Variants in ADGRV1 observed in about 807,000 individuals in gnomAD.
The protein encoded by ADGRV1 is G-protein coupled receptor 98.
ADGRV1 carries 359 observed loss-of-function variants against 596.2 expected under a neutral mutation model. That is an observed-to-expected ratio of 0.60 (90% CI 0.55 to 0.66). ADGRV1 has a LOEUF of 0.66. ADGRV1 is among the 30% of genes least tolerant of loss of function. The pLI is 0.00. For missense variants in ADGRV1, 7,274 were observed against 7,575.6 expected, an observed-to-expected ratio of 0.96 and a Z score of 1.48; for synonymous variants, 2,681 against 2,679.2, an observed-to-expected ratio of 1.00 and a Z score of -0.02.
At chr5:90,590,910 T>C (rs1759413170) in intron 1 of ADGRV1, among the ~76,000 whole-genome samples, 1 of 152,238 alleles carries the variant, frequency 6.6e-6, no homozygotes, top group Non-Finnish European at 1.5e-5. Flanking sequence ...ATCCTACTTG[T>C]TACCCTTGAA....
At chr5:90,590,759 TAATA>T in intron 1 of ADGRV1, among the ~76,000 whole-genome samples, 1 of 152,344 alleles carries the variant, frequency 6.6e-6, no homozygotes, top group East Asian at 1.9e-4. Context: ...GAAAGTATAA[TAATA>T]CACTGTTATT....
At position 90,681,308 on chromosome 5, in the gene ADGRV1, C is replaced by T. The variant is rs137853919; in HGVS notation, c.5525-7C>T. ...TTTTTTCTATTTGTTGGAACTTGTT[C>T]ATGCAGCCAGTCTAGGAGTGGCTTC... On this transcript the variant is annotated splice_polypyrimidine_tract_variant and splice_region_variant and intron_variant, in intron 26 of 89. Transcript: ENST00000405460. 9,786 of 1,609,152 alleles carry T rather than the reference C, an allele frequency of 6.1e-3. 53 individuals carry two copies. The highest frequency in any genetic ancestry group is 0.013 in the Middle Eastern group (79 of 6,032).
chr5:90,667,507 T>G (rs1771647810), intron 21 of ADGRV1, among the ~76,000 whole-genome samples: 2 of 147,672 alleles, frequency 1.4e-5, no homozygotes, highest in South Asian at 4.4e-4. Flanking sequence ...TAGTTATACA[T>G]TCTTCTAAAT....
At chr5:90,720,862 C>A in intron 44 of ADGRV1, 73 bp from the exon 45 acceptor site, 2 of 1,240,882 alleles carry the variant, frequency 1.6e-6, no homozygotes, top group Non-Finnish European at 2.2e-6. Context: ...TATATGCTAG[C>A]AATATGATAT....
intron 83 of ADGRV1, among the ~76,000 whole-genome samples, chr5:90,889,957 G>A (rs868336607): frequency 6.6e-6 from 1 of 152,084 alleles, no homozygotes; most frequent in Non-Finnish European, 1.5e-5. Context: ...CTATACAGCT[G>A]CAAAACCTTT....
intron 85 of ADGRV1, among the ~76,000 whole-genome samples, chr5:91,069,723 C>G (rs1480475941): frequency 6.6e-6 from 1 of 152,092 alleles, no homozygotes; most frequent in African/African-American, 2.4e-5. Flanking sequence ...GAACTTAGAA[C>G]ACAGCTCTTT....
chr5:90,941,697 G>T (rs940789802), intron 83 of ADGRV1, among the ~76,000 whole-genome samples: 1 of 152,000 alleles, frequency 6.6e-6, no homozygotes, highest in Non-Finnish European at 1.5e-5. Flanking sequence ...GCAACTTTAG[G>T]GTAGATTCTC....
At chr5:90,615,656 A>T (rs1763272174) in intron 2 of ADGRV1, among the ~76,000 whole-genome samples, 2 of 151,926 alleles carry the variant, frequency 1.3e-5, no homozygotes, top group South Asian at 4.1e-4. Flanking sequence ...CTTAAGAAAT[A>T]GGCTTAATTA....
At chr5:91,151,888 A>C (rs1796093441) in intron 88 of ADGRV1, among the ~76,000 whole-genome samples, 1 of 152,216 alleles carries the variant, frequency 6.6e-6, no homozygotes, top group Non-Finnish European at 1.5e-5. Context: ...GAAATTTTTT[A>C]AGGTTCATCT....
chr5:91,049,169 A>G (rs1786097762), intron 85 of ADGRV1, among the ~76,000 whole-genome samples: 1 of 152,178 alleles, frequency 6.6e-6, no homozygotes, highest in Admixed American at 6.5e-5. Flanking sequence ...TTTAAGAATA[A>G]TTTCTAGGTA....
intron 83 of ADGRV1, among the ~76,000 whole-genome samples, chr5:90,962,909 G>A (rs1778152696): frequency 6.6e-6 from 1 of 152,092 alleles, no homozygotes; most frequent in Non-Finnish European, 1.5e-5. Context: ...TTTTAAACAA[G>A]AACCTGTACT....
chr5:90,726,269 G>A (rs552974891), intron 48 of ADGRV1, among the ~76,000 whole-genome samples: 4 of 152,238 alleles, frequency 2.6e-5, no homozygotes, highest in South Asian at 2.1e-4. Context: ...TCACATAAGT[G>A]CCCACCTTGT....
At chr5:90,848,447 A>T (rs1162433883) in intron 78 of ADGRV1, among the ~76,000 whole-genome samples, 190 bp from the exon 79 acceptor site, 2 of 152,094 alleles carry the variant, frequency 1.3e-5, no homozygotes, top group African/African-American at 4.8e-5. Flanking sequence ...ATGATTACTT[A>T]TGCCTTTTCA....
chr5:90,623,978 A>G lies in ADGRV1; in HGVS notation c.559-1152A>G, dbSNP rs965100173. Among the ~76,000 whole-genome samples, 3 of 152,158 alleles carry G rather than the reference A, an allele frequency of 2.0e-5. No homozygotes were observed. The East Asian group carries it at 5.8e-4, about 29-fold the overall frequency. ...GTTTTTTAGGATCCACAACATGATT[A>G]TATACTATTTTCAAACATTAGAGTA... is the stretch of plus-strand genomic sequence containing the variant. On this transcript the variant is annotated intron_variant, in intron 5 of 89. Transcript: ENST00000405460.
chr5:90,740,456 C>G (rs776876294), intron 50 of ADGRV1, among the ~76,000 whole-genome samples: 83 of 152,142 alleles, frequency 5.5e-4, no homozygotes, highest in Admixed American at 1.6e-3. Context: ...ATCAACATGC[C>G]GCTATCTCCT....
chr5:90,849,931 T>G (rs1343877852), intron 79 of ADGRV1, among the ~76,000 whole-genome samples: 2 of 152,234 alleles, frequency 1.3e-5, no homozygotes, highest in African/African-American at 2.4e-5. Context: ...TTGTACATAT[T>G]GTTTTGTCCT....
chr5:90,561,745 G>A (rs186313171), intron 1 of ADGRV1, among the ~76,000 whole-genome samples: 193 of 152,186 alleles, frequency 1.3e-3, no homozygotes, highest in African/African-American at 4.6e-3. Flanking sequence ...TCATGTAGAG[G>A]GCAACTAGAC....
intron 85 of ADGRV1, chr5:91,031,255 A>G (rs1784458578): frequency 3.1e-6 from 5 of 1,588,788 alleles, no homozygotes; most frequent in East Asian, 2.2e-5. Flanking sequence ...TTGCTGTTGA[A>G]TGTGTTCCAA....
chr5:90,966,800 C>T (rs1010989384), intron 84 of ADGRV1, among the ~76,000 whole-genome samples: 6 of 152,094 alleles, frequency 3.9e-5, no homozygotes, highest in African/African-American at 7.2e-5. Flanking sequence ...GAGGATGGTG[C>T]GTAGTATTTA....
Sources: gnomAD v4.1 joint callset for allele counts (sites outside exome capture counted in the v4.1 genomes callset) on GRCh38, gnomAD v4.1.1 for gene constraint, MANE v1.5 for transcripts, NCBI Gene and HGNC (gene_info 2026-07-23, HGNC 2026-07-21) for gene names.